Variants in CNTFR observed in about 807,000 individuals in gnomAD.
CNTFR encodes the protein ciliary neurotrophic factor receptor.
A neutral mutation model predicts 40.4 loss-of-function variants in CNTFR; 12 were observed. The ratio of observed to expected loss-of-function variants is 0.30; its 90% CI spans 0.19 to 0.48. The LOEUF is 0.48. Ranked by LOEUF, CNTFR falls within the 20% of genes least tolerant of loss-of-function variation. The probability of loss-of-function intolerance (pLI) is 0.99; values close to 1 mark genes in which losing one functional copy is unlikely to be tolerated. For missense variants in CNTFR, 414 were observed against 506.8 expected (o/e 0.82, Z 1.76); for synonymous variants, 202 against 209.6 (o/e 0.96, Z 0.31).
At position 34,551,574 on chromosome 9, in the gene CNTFR, A is replaced by C; in HGVS notation, c.*497T>G. On this transcript the variant is annotated 3_prime_UTR_variant, in exon 10 of 10. Transcript: ENST00000378980. ...GCATTAAATACTGTGGGATAGGAGCAGGGTCAGGGGAGGGGTATACAAAAC... is the reference window on the plus strand; with the variant it reads ...GCATTAAATACTGTGGGATAGGAGCCGGGTCAGGGGAGGGGTATACAAAAC... The C allele has an allele frequency of 4.0e-6, 1 of 247,042 alleles. No homozygotes were observed. The highest frequency in any genetic ancestry group is 8.0e-6 in the Non-Finnish European group (1 of 125,780). 15.3% of individuals were successfully genotyped at this position (247,042 alleles called of 1,614,324 possible). A position where few individuals can be genotyped will look rare whatever the true frequency, so the allele number is the denominator to read the frequency against.
At chr9:34,571,561 T>TAC (rs145378339) in intron 2 of CNTFR, 41,204 of 148,478 alleles carry the variant, frequency 0.28, 5,898 homozygotes, top group Middle Eastern at 0.4. Flanking sequence ...CGCGTGCGCA[T>TAC]ACACACACAC....
chr9:34,587,693 TCTGA>T (rs1322191292), intron 1 of CNTFR, among the ~76,000 whole-genome samples: 7 of 152,214 alleles, frequency 4.6e-5, no homozygotes, highest in Non-Finnish European at 7.4e-5. Flanking sequence ...CCCATGCGAG[TCTGA>T]CTAACTCGGA....
chr9:34,583,256 T>G (rs1324096134), intron 1 of CNTFR, among the ~76,000 whole-genome samples: 1 of 152,192 alleles, frequency 6.6e-6, no homozygotes, highest in Non-Finnish European at 1.5e-5. Context: ...TAATGCCCTT[T>G]GCTTCCAAGC....
At chr9:34,579,703 G>A (rs1827190917) in intron 2 of CNTFR, among the ~76,000 whole-genome samples, 1 of 152,092 alleles carries the variant, frequency 6.6e-6, no homozygotes, top group African/African-American at 2.4e-5. Context: ...GCAGGGAGAA[G>A]CCCAGAGAGA....
chr9:34,590,232 C>G (rs1297952065), upstream of CNTFR: 2 of 153,566 alleles, frequency 1.3e-5, no homozygotes, highest in African/African-American at 4.8e-5. Flanking sequence ...GCACTCACCC[C>G]CGGGATCGCT....
At position 34,565,049 on chromosome 9, in the gene CNTFR, T is replaced by C. The variant is rs1246666156; in HGVS notation, c.86-217A>G. The stretch of plus-strand genomic sequence containing the variant: ...GAATGTCTCCAAATGTGAATGTGAG[T>C]GAGCATGTACAGGGGCTAGGTATGT... On this transcript the variant is annotated intron_variant, in intron 3 of 9. Coordinates refer to ENST00000378980, the MANE Select transcript of CNTFR (RefSeq NM_147164.3). Among the ~76,000 whole-genome samples, 3 of 152,078 alleles carry C rather than the reference T, an allele frequency of 2.0e-5. No homozygotes were observed. In the East Asian group the frequency reaches 5.8e-4, roughly 29 times the overall value.
Position 34,551,993 on chromosome 9 carries a change from G to A in CNTFR, c.*78C>T, listed in dbSNP as rs1825641595. On this transcript the variant is annotated 3_prime_UTR_variant, in exon 10 of 10. Coordinates refer to ENST00000378980, the MANE Select transcript of CNTFR (RefSeq NM_147164.3). ...GGTCCTCCTGCCCGTGTGCAAAATA[G>A]AAACCGGGGTCTGCAGGCTCAGCTC... 3.5e-6 allele frequency: 3 copies of A among 850,900 alleles called. No homozygotes were observed. Among genetic ancestry groups the A allele is most frequent in the Non-Finnish European group, 5.9e-6 (3 of 506,426 alleles). The allele number at this position is 850,900 out of a possible 1,614,324, so 52.7% of individuals were successfully genotyped here. A position where few individuals can be genotyped will look rare whatever the true frequency, so the allele number is the denominator to read the frequency against.
At chr9:34,578,111 A>C (rs1052921696) in intron 2 of CNTFR, among the ~76,000 whole-genome samples, 384 of 151,284 alleles carry the variant, frequency 2.5e-3, no homozygotes, top group Non-Finnish European at 4.8e-3. Flanking sequence ...GGGCCCGGGC[A>C]GCCGGAACGA....
At chr9:34,581,452 T>C (rs1463159056) in intron 1 of CNTFR, among the ~76,000 whole-genome samples, 1 of 152,152 alleles carries the variant, frequency 6.6e-6, no homozygotes, top group East Asian at 1.9e-4. Flanking sequence ...AATACACAGA[T>C]ACACACCCAC....
chr9:34,566,957 A>G (rs1018774994), intron 3 of CNTFR, among the ~76,000 whole-genome samples: 11 of 152,204 alleles, frequency 7.2e-5, no homozygotes, highest in Non-Finnish European at 1.5e-4. Context: ...GGCAGAAGAC[A>G]ACGACAGGCC....
chr9:34,561,478 T>TGG (rs985329131), intron 4 of CNTFR, among the ~76,000 whole-genome samples: 8 of 152,066 alleles, frequency 5.3e-5, no homozygotes, highest in Admixed American at 2.0e-4. Flanking sequence ...CTTCCTAATG[T>TGG]GGGGGGTCCT....
rs1295751202 is a variant in CNTFR at position 34,552,505 on chromosome 9, G to A, written c.949+169C>T. ...CCCTCCACCCAATGACCCCTACCAA[G>A]GATGTCCAGATAGCAAGGACCAGGA... On this transcript the variant is annotated intron_variant, in intron 8 of 9. Transcript: ENST00000378980. This position sits in a 1 kb window ranked among gnomAD's most constrained non-coding sequence, Gnocchi z 5.1. 1.3e-5 allele frequency among the ~76,000 whole-genome samples: 2 copies of A among 152,144 alleles called. No individual in the cohort carries two copies. The highest frequency in any genetic ancestry group is 2.9e-5 in the Non-Finnish European group (2 of 68,016).
At chr9:34,572,057 T>C (rs1205664606) in intron 2 of CNTFR, among the ~76,000 whole-genome samples, 1 of 151,914 alleles carries the variant, frequency 6.6e-6, no homozygotes, top group Non-Finnish European at 1.5e-5. Flanking sequence ...TGGTGGTCAA[T>C]GCAATGTGAG....
At chr9:34,581,800 T>C (rs1162332982) in intron 1 of CNTFR, among the ~76,000 whole-genome samples, 2 of 152,218 alleles carry the variant, frequency 1.3e-5, no homozygotes, top group African/African-American at 4.8e-5. Context: ...GAGTCTAGAT[T>C]TGAGTCCGTA....
At chr9:34,573,462 G>C (rs572453518) in intron 2 of CNTFR, among the ~76,000 whole-genome samples, 1 of 152,326 alleles carries the variant, frequency 6.6e-6, no homozygotes, top group African/African-American at 2.4e-5. Context: ...GAAGGATCAG[G>C]GGGGCCTCAA....
At chr9:34,577,636 CCT>C (rs1251185483) in intron 2 of CNTFR, among the ~76,000 whole-genome samples, 3 of 142,872 alleles carry the variant, frequency 2.1e-5, no homozygotes, top group Admixed American at 7.2e-5. Context: ...ACACGCTGGG[CCT>C]CTCTCTCTGT....
intron 4 of CNTFR, among the ~76,000 whole-genome samples, chr9:34,563,959 CG>C (rs1826172839): frequency 6.6e-6 from 1 of 152,198 alleles, no homozygotes; most frequent in African/African-American, 2.4e-5. Flanking sequence ...ATCTGCCCCC[CG>C]TCCCTTCCTT....
intron 4 of CNTFR, among the ~76,000 whole-genome samples, chr9:34,562,021 T>C (rs1237839817): frequency 6.6e-6 from 1 of 152,166 alleles, no homozygotes; most frequent in African/African-American, 2.4e-5. Flanking sequence ...GTATAGACTA[T>C]GGACATTACT....
intron 2 of CNTFR, among the ~76,000 whole-genome samples, chr9:34,574,236 G>A (rs1253102483): frequency 1.3e-5 from 2 of 152,170 alleles, no homozygotes; most frequent in Non-Finnish European, 2.9e-5. Context: ...GGGCCAGCTC[G>A]TGGGCTGGGG....
Sources: allele counts gnomAD v4.1 joint callset (sites outside exome capture counted in the v4.1 genomes callset), GRCh38; gene constraint gnomAD v4.1.1; non-coding constraint Gnocchi (gnomAD v3.1); transcripts MANE v1.5; gene names NCBI Gene and HGNC (gene_info 2026-07-23, HGNC 2026-07-21).